Variants in NSMCE2 observed in about 807,000 individuals in gnomAD.
NSMCE2 encodes the protein NSE2 SUMO ligase component of SMC5/6 complex.
In NSMCE2, 24 loss-of-function variants were observed where a neutral mutation model predicts 23.8. That is an observed-to-expected ratio of 1.01 (90% CI 0.73 to 1.42). The LOEUF is 1.42. Among genes scored for constraint, NSMCE2 ranks in the 40% most tolerant of loss-of-function variants. The pLI, the probability that NSMCE2 is intolerant of heterozygous loss-of-function variation, is 0.00. For synonymous variants in NSMCE2, 92 were observed against 94.1 expected (o/e 0.98, Z 0.13); for missense variants, 284 against 296.5 (o/e 0.96, Z 0.31).
rs545937780 is a variant in NSMCE2 at position 125,361,259 on chromosome 8, G to A, written c.626+3441G>A. Among the ~76,000 whole-genome samples the A allele has an allele frequency of 1.2e-4, 18 of 151,958 alleles. No homozygotes were observed. In the South Asian group the frequency reaches 1.5e-3, roughly 12 times the overall value. The stretch of plus-strand genomic sequence containing the variant: ...ATTTTTGTATTTTTAGTAGAGACAG[G>A]GTTTCACCATGTTGTCCAGGCTGGT... On this transcript the variant is annotated intron_variant, in intron 7 of 7. Transcript: ENST00000287437.
At position 125,136,122 on chromosome 8, in the gene NSMCE2, T is replaced by C. The variant is rs182931292; in HGVS notation, c.158-15049T>C. Reference sequence around the variant, plus strand: ...TTAAAACATTTTTTAATTTTTATTTTTTTGGTTGTTTGAGACAGCAGACAA... The same window carrying C: ...TTAAAACATTTTTTAATTTTTATTTCTTTGGTTGTTTGAGACAGCAGACAA... On this transcript the variant is annotated intron_variant, in intron 3 of 7. Coordinates refer to ENST00000287437, the MANE Select transcript of NSMCE2 (RefSeq NM_173685.4). Among the ~76,000 whole-genome samples, 247 of 152,340 alleles carry C rather than the reference T, an allele frequency of 1.6e-3. 1 individual carries two copies. Among genetic ancestry groups the C allele is most frequent in the African/African-American group, 5.7e-3 (239 of 41,582 alleles).
intron 5 of NSMCE2, among the ~76,000 whole-genome samples, chr8:125,234,927 A>G (rs574228776): frequency 1.3e-5 from 2 of 152,202 alleles, no homozygotes; most frequent in East Asian, 3.9e-4. Context: ...AGTCCTACAG[A>G]GCCCATTTCA....
chr8:125,358,018 G>C (rs758501960), intron 7 of NSMCE2, among the ~76,000 whole-genome samples, 200 bp downstream of exon 7: 4 of 152,178 alleles, frequency 2.6e-5, no homozygotes, highest in Non-Finnish European at 4.4e-5. Flanking sequence ...AAGAAGCTGA[G>C]GGAACTTCAA....
intron 3 of NSMCE2, among the ~76,000 whole-genome samples, chr8:125,139,592 C>T (rs1039602493): frequency 6.6e-6 from 1 of 152,164 alleles, no homozygotes; most frequent in South Asian, 2.1e-4. Context: ...CAGGGCAACT[C>T]TCCTTTATAA....
chr8:125,340,972 A>G (rs1184498717), intron 5 of NSMCE2, among the ~76,000 whole-genome samples: 2 of 151,726 alleles, frequency 1.3e-5, no homozygotes, highest in Non-Finnish European at 2.9e-5. Context: ...TGCCTCCTTT[A>G]TTTGCTCCTG....
intron 5 of NSMCE2, among the ~76,000 whole-genome samples, chr8:125,207,296 G>T (rs1051063885): frequency 2.6e-5 from 4 of 151,684 alleles, no homozygotes; most frequent in African/African-American, 7.3e-5. Context: ...AATTTTATAA[G>T]CAGGAAACAC....
At chr8:125,351,305 C>T (rs1053580351) in intron 5 of NSMCE2, 1 of 151,804 alleles carries the variant, frequency 6.6e-6, no homozygotes, top group Non-Finnish European at 1.5e-5. Flanking sequence ...AATACTACTT[C>T]AAACATATCC....
chr8:125,240,541 C>G (rs942437429), intron 5 of NSMCE2, among the ~76,000 whole-genome samples: 4 of 152,082 alleles, frequency 2.6e-5, no homozygotes. Flanking sequence ...ACAGAGGTAA[C>G]TTTTCTCCTT....
intron 5 of NSMCE2, among the ~76,000 whole-genome samples, chr8:125,339,296 C>T (rs1157979295): frequency 6.6e-6 from 1 of 152,104 alleles, no homozygotes; most frequent in Non-Finnish European, 1.5e-5. Context: ...TGCAGAAGCT[C>T]GCAGAACTTA....
chr8:125,269,424 G>C (rs933703279), intron 5 of NSMCE2, among the ~76,000 whole-genome samples: 6 of 152,094 alleles, frequency 3.9e-5, no homozygotes, highest in Admixed American at 3.9e-4. Context: ...TTCATATATG[G>C]CTGATTTGGT....
chr8:125,190,869 A>G (rs894849250), intron 5 of NSMCE2, among the ~76,000 whole-genome samples: 4 of 152,090 alleles, frequency 2.6e-5, no homozygotes, highest in African/African-American at 9.7e-5. Flanking sequence ...CTTTATGTAC[A>G]TTATTATGAT....
chr8:125,308,137 G>A (rs1433068585), intron 5 of NSMCE2, among the ~76,000 whole-genome samples: 1 of 152,066 alleles, frequency 6.6e-6, no homozygotes, highest in Non-Finnish European at 1.5e-5. Flanking sequence ...AGGCATGGGA[G>A]TTTATATAAC....
chr8:125,101,863 T>C (rs1818205933), intron 1 of NSMCE2, among the ~76,000 whole-genome samples, 188 bp from the exon 2 acceptor site: 1 of 152,202 alleles, frequency 6.6e-6, no homozygotes, highest in Non-Finnish European at 1.5e-5. Flanking sequence ...TTTTACAGTT[T>C]CCAGAATTCA....
chr8:125,356,769 A>G (rs1195376907), intron 5 of NSMCE2, among the ~76,000 whole-genome samples: 2 of 152,204 alleles, frequency 1.3e-5, no homozygotes, highest in African/African-American at 4.8e-5. Context: ...GCACTACCTA[A>G]TTGTAATGAC....
chr8:125,365,569 T>G (rs1430071972), intron 7 of NSMCE2, among the ~76,000 whole-genome samples: 1 of 152,072 alleles, frequency 6.6e-6, no homozygotes, highest in Non-Finnish European at 1.5e-5. Context: ...TAAAATAAAA[T>G]CCAAGTCCAG....
intron 5 of NSMCE2, among the ~76,000 whole-genome samples, chr8:125,258,253 T>C (rs957802886): frequency 3.3e-5 from 5 of 152,180 alleles, no homozygotes; most frequent in Non-Finnish European, 7.3e-5. Context: ...ATAGCAGGGA[T>C]TGATAGCTGT....
intron 5 of NSMCE2, among the ~76,000 whole-genome samples, chr8:125,356,326 G>GTTTTTTTTTT (rs747884264): frequency 7.6e-5 from 8 of 105,434 alleles, no homozygotes; most frequent in African/African-American, 1.4e-4. Flanking sequence ...TAATTTTTTG[G>GTTTTTTTTTT]TTTTTTTTTT....
chr8:125,321,123 G>A (rs1829436789), intron 5 of NSMCE2, among the ~76,000 whole-genome samples: 1 of 151,994 alleles, frequency 6.6e-6, no homozygotes, highest in Non-Finnish European at 1.5e-5. Flanking sequence ...TCCAGTATTG[G>A]TGATTACATT....
At chr8:125,289,575 A>T (rs1043537996) in intron 5 of NSMCE2, among the ~76,000 whole-genome samples, 1 of 152,202 alleles carries the variant, frequency 6.6e-6, no homozygotes, top group African/African-American at 2.4e-5. Flanking sequence ...CTGTGAGCTC[A>T]TTTAGAACAG....
Sources: allele counts gnomAD v4.1 joint callset (sites outside exome capture counted in the v4.1 genomes callset), GRCh38; gene constraint gnomAD v4.1.1; transcripts MANE v1.5; gene names NCBI Gene and HGNC (gene_info 2026-07-23, HGNC 2026-07-21).